CNTD1: variants seen among roughly 807,000 people sequenced by gnomAD.
The protein encoded by CNTD1 is cyclin N-terminal domain containing 1, also known as cyclin N-terminal domain-containing protein 1.
In CNTD1, 17 loss-of-function variants were observed where a neutral mutation model predicts 36.3. That is an observed-to-expected ratio of 0.47 (90% CI 0.32 to 0.70). The LOEUF is 0.70. Ranked by LOEUF, CNTD1 falls within the 30% of genes least tolerant of loss-of-function variation. The pLI is 0.03. For synonymous variants in CNTD1, 128 were observed against 153.3 expected, an observed-to-expected ratio of 0.83 and a Z score of 1.22; for missense variants, 338 against 386.1, an observed-to-expected ratio of 0.88 and a Z score of 1.04.
chr17:42,807,720 A>T, intron 5 of CNTD1, 48 bp from the exon 6 acceptor site: 3 of 1,318,934 alleles, frequency 2.3e-6, no homozygotes, highest in Non-Finnish European at 3.3e-6. Flanking sequence ...GATTTGGAAG[A>T]TCAAGTTCCA....
chr17:42,810,689 A>C lies in CNTD1; in HGVS notation c.*1154A>C, dbSNP rs2054978359. On this transcript the variant is annotated 3_prime_UTR_variant, in exon 7 of 7. Coordinates refer to ENST00000588408, the MANE Select transcript of CNTD1 (RefSeq NM_173478.3). ...GTACTGTTTAATATTACCCGAATTT[A>C]ATTTAAAACATGTTTGCAAACAAAA... is the stretch of plus-strand genomic sequence containing the variant. 6 of 1,469,014 alleles carry C rather than the reference A, an allele frequency of 4.1e-6. No homozygotes were observed. The highest frequency in any genetic ancestry group is 5.5e-6 in the Non-Finnish European group (6 of 1,090,642). The allele number at this position is 1,469,014 out of a possible 1,614,324, so 91.0% of individuals were successfully genotyped here.
In CNTD1 at chr17:42,811,005, G is replaced by A; in HGVS notation, c.*1470G>A. 1.4e-6 allele frequency: 2 copies of A among 1,390,060 alleles called. No individual in the cohort carries two copies. The highest frequency in any genetic ancestry group is 1.9e-6 in the Non-Finnish European group (2 of 1,035,852). The allele number at this position is 1,390,060 out of a possible 1,614,324, so 86.1% of individuals were successfully genotyped here. On this transcript the variant is annotated 3_prime_UTR_variant, in exon 7 of 7. Transcript: ENST00000588408. ...AGTTCGGGGCAGGGACTTGATCATG[G>A]GACCATTCACGTCATTTTATCTATT...
chr17:42,805,105 A>G (rs1428719437), intron 3 of CNTD1, among the ~76,000 whole-genome samples: 2 of 152,190 alleles, frequency 1.3e-5, no homozygotes, highest in Non-Finnish European at 2.9e-5. Context: ...CAGCATACCT[A>G]TCAACAGTAG....
At chr17:42,801,526 T>A (rs1404053005) in intron 1 of CNTD1, among the ~76,000 whole-genome samples, 1,339 of 77,720 alleles carry the variant, frequency 0.017, 115 homozygotes, top group South Asian at 0.07. Context: ...TATATATATA[T>A]ATATATATAT....
chr17:42,803,472 A>C (rs1567661123), intron 1 of CNTD1, 148 bp from the exon 2 acceptor site: 3 of 625,888 alleles, frequency 4.8e-6, no homozygotes, highest in Non-Finnish European at 5.7e-6. Context: ...AAAGAAACTA[A>C]GCTCAGCTTT....
chr17:42,804,410 G>A lies in CNTD1; in HGVS notation c.417+14G>A, dbSNP rs756969464. ...TTCCGAAACAAAGTAAGGAGCTGGGGTTGCTCATGGGCACCTGAGTGTTAG... is the reference window on the plus strand; with the variant it reads ...TTCCGAAACAAAGTAAGGAGCTGGGATTGCTCATGGGCACCTGAGTGTTAG... On this transcript the variant is annotated intron_variant, in intron 3 of 6. Coordinates refer to ENST00000588408, the MANE Select transcript of CNTD1 (RefSeq NM_173478.3). 32 of 1,611,254 alleles carry A rather than the reference G, an allele frequency of 2.0e-5. No homozygotes were observed. The highest frequency in any genetic ancestry group is 2.7e-5 in the Non-Finnish European group (32 of 1,178,232).
upstream of CNTD1, chr17:42,798,841 G>A: frequency 6.9e-7 from 1 of 1,441,908 alleles, no homozygotes; most frequent in Non-Finnish European, 9.1e-7. Context: ...GTGAGAAGCG[G>A]ACGTGCTTTC....
At chr17:42,803,407 T>A (rs555161490) in intron 1 of CNTD1, among the ~76,000 whole-genome samples, 1 of 152,184 alleles carries the variant, frequency 6.6e-6, no homozygotes. Context: ...TAAGCCCTTG[T>A]CTTTGGCACT....
Position 42,811,015 on chromosome 17 carries a change from C to A in CNTD1, c.*1480C>A, listed in dbSNP as rs555658924. Reference sequence around the variant, plus strand: ...AGGGACTTGATCATGGGACCATTCACGTCATTTTATCTATTAAAGAACACT... The same window carrying A: ...AGGGACTTGATCATGGGACCATTCAAGTCATTTTATCTATTAAAGAACACT... On this transcript the variant is annotated 3_prime_UTR_variant, in exon 7 of 7. Transcript: ENST00000588408. The A allele has an allele frequency of 7.6e-6, 10 of 1,324,388 alleles. No individual in the cohort carries two copies. Among genetic ancestry groups the A allele is most frequent in the African/African-American group, 1.5e-5 (1 of 67,608 alleles). 82.0% of individuals were successfully genotyped at this position (1,324,388 alleles called of 1,614,324 possible).
At chr17:42,807,613 C>T (rs888905818) in intron 5 of CNTD1, among the ~76,000 whole-genome samples, 155 bp from the exon 6 acceptor site, 1 of 152,162 alleles carries the variant, frequency 6.6e-6, no homozygotes. Flanking sequence ...AATGGGAGAG[C>T]AGGTCAATGA....
At position 42,805,889 on chromosome 17, in the gene CNTD1, C is replaced by T. The variant is rs202226695; in HGVS notation, c.580+5C>T. On this transcript the variant is annotated splice_donor_5th_base_variant and intron_variant, in intron 4 of 6. Transcript: ENST00000588408. ...AGACGCTCCTAGAGGTTTTAGGTAT[C>T]TTACTGTGTTAGGGAATATGGGTTG... 8 of 1,607,552 alleles carry T rather than the reference C, an allele frequency of 5.0e-6. No individual in the cohort carries two copies. In the East Asian group the frequency reaches 1.8e-4, roughly 36 times the overall value.
rs2054976439 is a variant in CNTD1, at chr17:42,810,633, T to C, written c.*1098T>C. 4.9e-6 allele frequency: 5 copies of C among 1,022,344 alleles called. No individual in the cohort carries two copies. In the East Asian group the frequency reaches 1.4e-4, roughly 29 times the overall value. The allele number at this position is 1,022,344 out of a possible 1,614,324, so 63.3% of individuals were successfully genotyped here. A position where few individuals can be genotyped will look rare whatever the true frequency, so the allele number is the denominator to read the frequency against. ...ATATTTTAAAATAAAGTGGCTTTTG[T>C]GGATTTTTTCTTTTTTGGTATTGTA... On this transcript the variant is annotated 3_prime_UTR_variant, in exon 7 of 7. Coordinates refer to ENST00000588408, the MANE Select transcript of CNTD1 (RefSeq NM_173478.3).
At position 42,804,349 on chromosome 17, in the gene CNTD1, CTT is replaced by C; in HGVS notation, c.371_372del (p.Leu124ArgfsTer35). 3.1e-6 allele frequency: 5 copies of C among 1,614,118 alleles called. No homozygotes were observed. The highest frequency in any genetic ancestry group is 4.2e-6 in the Non-Finnish European group (5 of 1,180,006). ...QQLVNKFTLR[L>X]VSCVQLASKL... ...GCTTGTCAACAAGTTTACTCTCCGT[CTT>C]GTGTCATGTGTTCAGCTGGCCAGCA... is the stretch of plus-strand genomic sequence containing the variant. On this transcript the variant is annotated frameshift_variant, in exon 3 of 7. Transcript: ENST00000588408. LOFTEE classifies it high-confidence loss of function.
intron 4 of CNTD1, 109 bp downstream of exon 4, chr17:42,805,993 T>C: frequency 1.9e-6 from 2 of 1,028,254 alleles, no homozygotes; most frequent in South Asian, 3.2e-5. Flanking sequence ...TTTGGGAGGC[T>C]GAGGTAGGTG....
chr17:42,802,899 G>A (rs2054819740), intron 1 of CNTD1, among the ~76,000 whole-genome samples: 1 of 152,148 alleles, frequency 6.6e-6, no homozygotes, highest in African/African-American at 2.4e-5. Context: ...AGAAACAGAG[G>A]CAGGCTAAAA....
intron 1 of CNTD1, among the ~76,000 whole-genome samples, chr17:42,800,874 A>G (rs1483329494): frequency 6.6e-6 from 1 of 152,226 alleles, no homozygotes; most frequent in Non-Finnish European, 1.5e-5. Context: ...GACTGGAAGT[A>G]TAGTGGTCAT....
rs1019630577 is a variant in CNTD1, at chr17:42,811,149, A to G, written c.*1614A>G. The G allele has an allele frequency of 2.1e-5, 9 of 426,034 alleles. No homozygotes were observed. Among genetic ancestry groups the G allele is most frequent in the Non-Finnish European group, 3.7e-5 (9 of 245,974 alleles). 26.4% of individuals were successfully genotyped at this position (426,034 alleles called of 1,614,324 possible). On this transcript the variant is annotated 3_prime_UTR_variant, in exon 7 of 7. Coordinates refer to ENST00000588408, the MANE Select transcript of CNTD1 (RefSeq NM_173478.3). ...GAGTACAGGGACAGGACACACACCC[A>G]AAGAGAAGAGAAGCCTGGAGTAGGG... is the stretch of plus-strand genomic sequence containing the variant.
intron 1 of CNTD1, 104 bp downstream of exon 1, chr17:42,799,340 T>A: frequency 7.8e-7 from 1 of 1,276,680 alleles, no homozygotes; most frequent in Non-Finnish European, 1.1e-6. Context: ...CAGAGAATGT[T>A]TGCTAACACC....
Position 42,798,869 on chromosome 17 carries a change from C to T in CNTD1, c.-199C>T. The T allele has an allele frequency of 1.4e-6, 2 of 1,440,534 alleles. 1 individual carries two copies. Among genetic ancestry groups the T allele is most frequent in the South Asian group, 3.0e-5 (2 of 67,286 alleles). 89.2% of individuals were successfully genotyped at this position (1,440,534 alleles called of 1,614,324 possible). A position where few individuals can be genotyped will look rare whatever the true frequency, so the allele number is the denominator to read the frequency against. On this transcript the variant is annotated 5_prime_UTR_variant, in exon 1 of 7. Transcript: ENST00000588408. ...GTGCTTTCTGATTGGCTGAGGAGTC[C>T]GTGGCCGTTGGGGCGGGAAAAAGCT... is the stretch of plus-strand genomic sequence containing the variant.
Sources: allele counts gnomAD v4.1 joint callset (sites outside exome capture counted in the v4.1 genomes callset), GRCh38; gene constraint gnomAD v4.1.1; transcripts MANE v1.5; gene names NCBI Gene and HGNC (gene_info 2026-07-23, HGNC 2026-07-21).